The following DDR2 variants were observed in gnomAD, a reference collection of about 807,000 sequenced individuals.
DDR2 encodes the protein discoidin domain-containing receptor 2.
DDR2 carries 27 observed loss-of-function variants against 94.9 expected under a neutral mutation model. The ratio of observed to expected loss-of-function variants is 0.28; its 90% CI spans 0.21 to 0.39. The LOEUF (loss-of-function observed/expected upper bound fraction) is 0.39, where lower values mean the gene tolerates loss of function less well. DDR2 is among the 10% of genes least tolerant of loss of function. The pLI, the probability that DDR2 is intolerant of heterozygous loss-of-function variation, is 1.00. For missense variants in DDR2, 783 were observed against 1,076.0 expected, an observed-to-expected ratio of 0.73 and a Z score of 3.81; for synonymous variants, 382 against 377.2, an observed-to-expected ratio of 1.01 and a Z score of -0.15.
At chr1:162,662,498 T>C (rs1328780307) in intron 2 of DDR2, among the ~76,000 whole-genome samples, 1 of 152,162 alleles carries the variant, frequency 6.6e-6, no homozygotes, top group African/African-American at 2.4e-5. Flanking sequence ...AATTATCCAT[T>C]TGCAGTCTGT....
At chr1:162,747,624 C>T (rs1333528333) in intron 3 of DDR2, among the ~76,000 whole-genome samples, 1 of 152,150 alleles carries the variant, frequency 6.6e-6, no homozygotes, top group Non-Finnish European at 1.5e-5. Context: ...GGCAGGCCAA[C>T]ATTCAAATTC....
intron 2 of DDR2, among the ~76,000 whole-genome samples, chr1:162,666,379 G>A (rs1025927089): frequency 6.6e-6 from 1 of 152,216 alleles, no homozygotes; most frequent in African/African-American, 2.4e-5. Flanking sequence ...GTAAGTATTT[G>A]TGGAATGAAT....
intron 3 of DDR2, among the ~76,000 whole-genome samples, chr1:162,750,732 T>G (rs193081119): frequency 6.6e-6 from 1 of 151,364 alleles, no homozygotes; most frequent in Non-Finnish European, 1.5e-5. Flanking sequence ...ATCACACTAC[T>G]TGACTTCAAA....
rs75782077 is a variant in DDR2 at position 162,705,578 on chromosome 1, G to A, written c.-27-13459G>A. Among the ~76,000 whole-genome samples, 839 of 152,288 alleles carry A rather than the reference G, an allele frequency of 5.5e-3. 6 individuals carry two copies. The highest frequency in any genetic ancestry group is 0.019 in the African/African-American group (801 of 41,568). On this transcript the variant is annotated intron_variant, in intron 2 of 17. Transcript: ENST00000367921. ...CACCCGCTGGAGTGTTTAGAACCAC[G>A]GCTGGTAGATTTACAGTGCCAGGGC... is the stretch of plus-strand genomic sequence containing the variant.
chr1:162,731,858 G>A (rs1017273253), intron 3 of DDR2, among the ~76,000 whole-genome samples: 7 of 152,200 alleles, frequency 4.6e-5, no homozygotes, highest in Non-Finnish European at 1.0e-4. Flanking sequence ...AGAAGTGGCA[G>A]AGCCAAGTCT....
At position 162,767,223 on chromosome 1, in the gene DDR2, T is replaced by C. The variant is rs1271070341; in HGVS notation, c.1163-6T>C. ...TGTATTCTCTGCCTTCTCTCCCTGG[T>C]CACAGATCCAATGCTTAAAGTTGAT... On this transcript the variant is annotated splice_polypyrimidine_tract_variant and splice_region_variant and intron_variant, in intron 10 of 17. Transcript: ENST00000367921. The C allele has an allele frequency of 3.7e-6, 6 of 1,614,108 alleles. No individual in the cohort carries two copies. In the East Asian group the frequency reaches 1.1e-4, roughly 30 times the overall value.
rs184946922 is a variant in DDR2 at position 162,782,578 on chromosome 1, C to A, written c.*2332C>A. 1 of 1,030 alleles carries A rather than the reference C, an allele frequency of 9.7e-4. No individual in the cohort carries two copies. Among genetic ancestry groups the A allele is most frequent in the Non-Finnish European group, 0.015 (1 of 68 alleles). The allele number at this position is 1,030 out of a possible 1,614,324, so 0.1% of individuals were successfully genotyped here. ...TTGAACTCAGGACCTGCAGCCTATT[C>A]TTCTTTATCCACATGTCTCTGGTAG... On this transcript the variant is annotated 3_prime_UTR_variant, in exon 18 of 18. Coordinates refer to ENST00000367921, the MANE Select transcript of DDR2 (RefSeq NM_006182.4).
chr1:162,756,008 G>A (rs1663447008), intron 7 of DDR2, among the ~76,000 whole-genome samples: 1 of 152,156 alleles, frequency 6.6e-6, no homozygotes, highest in African/African-American at 2.4e-5. Context: ...CAAAGTAATG[G>A]CTAAAGTTTG....
At chr1:162,765,683 A>G (rs1027916) in intron 9 of DDR2, among the ~76,000 whole-genome samples, 147,544 of 150,712 alleles carry the variant, frequency 0.98, 72,310 homozygotes, top group East Asian at 1. Flanking sequence ...CTATATTTTC[A>G]CTGAATTTGG....
chr1:162,762,383 T>A (rs1293339602), intron 9 of DDR2, among the ~76,000 whole-genome samples: 3 of 152,228 alleles, frequency 2.0e-5, no homozygotes. Flanking sequence ...TCAGTAATGC[T>A]GTATATTTTA....
chr1:162,724,780 G>A (rs767420927), intron 3 of DDR2, among the ~76,000 whole-genome samples: 8 of 152,058 alleles, frequency 5.3e-5, no homozygotes, highest in African/African-American at 7.2e-5. Context: ...GGTGGGTGGC[G>A]CGGGGGTGTA....
At position 162,644,050 on chromosome 1, in the gene DDR2, T is replaced by C. The variant is rs536708106; in HGVS notation, c.-191-11161T>C. On this transcript the variant is annotated intron_variant, in intron 1 of 17. Transcript: ENST00000367921. ...CTGGATACACTTGCAACTTGCTTTTTCCCAAGTGTTTAGGACTCTAGTAGG... is the reference window on the plus strand; with the variant it reads ...CTGGATACACTTGCAACTTGCTTTTCCCCAAGTGTTTAGGACTCTAGTAGG... Among the ~76,000 whole-genome samples the C allele has an allele frequency of 2.6e-5, 4 of 152,340 alleles. No homozygotes were observed. The South Asian group carries it at 6.2e-4, about 24-fold the overall frequency.
chr1:162,775,676 G>A lies in DDR2; in HGVS notation c.1881G>A (p.Lys627=), dbSNP rs556682758. 8.1e-6 allele frequency: 13 copies of A among 1,614,090 alleles called. No homozygotes were observed. The South Asian group carries it at 8.8e-5, about 11-fold the overall frequency. ...GGAATGATTTTCTTAAGGAGATAAA[G>A]ATCATGTCTCGGCTCAAGGACCCAA... The part of the protein sequence containing the change: ...NARNDFLKEI[K]IMSRLKDPNI... The change falls in exon 15 of 18, where the codon AAG becomes AAA. Residue 627 remains lysine, a synonymous_variant. Transcript: ENST00000367921.
intron 2 of DDR2, among the ~76,000 whole-genome samples, chr1:162,673,234 T>G (rs1293520602): frequency 6.6e-6 from 1 of 152,090 alleles, no homozygotes; most frequent in Non-Finnish European, 1.5e-5. Flanking sequence ...TGGGAGCCAG[T>G]TGGTGTTCTC....
At position 162,772,273 on chromosome 1, in the gene DDR2, T is replaced by C. The variant is rs561538146; in HGVS notation, c.1728+26T>C. The C allele has an allele frequency of 1.9e-6, 3 of 1,608,328 alleles. No homozygotes were observed. The African/African-American group carries it at 4.0e-5, about 21-fold the overall frequency. ...GTGAGTTGATTCTTTGATTCCCTTA[T>C]AGCTCGAAGAAGGTGGTTGGATAAA... On this transcript the variant is annotated intron_variant, in intron 13 of 17. Transcript: ENST00000367921.
At chr1:162,670,005 G>A (rs564458007) in intron 2 of DDR2, among the ~76,000 whole-genome samples, 44 of 151,952 alleles carry the variant, frequency 2.9e-4, no homozygotes, top group South Asian at 6.3e-4. Flanking sequence ...CTAATAACAC[G>A]TTTTTAAAAT....
At chr1:162,755,538 T>C (rs1663418991) in intron 6 of DDR2, 126 bp from the exon 7 acceptor site, 1 of 1,070,428 alleles carries the variant, frequency 9.3e-7, no homozygotes, top group Non-Finnish European at 1.4e-6. Flanking sequence ...TCCAAAGTCT[T>C]CCCTCGGTGT....
At chr1:162,774,170 T>C (rs554298242) in intron 14 of DDR2, among the ~76,000 whole-genome samples, 2 of 152,324 alleles carry the variant, frequency 1.3e-5, no homozygotes, top group African/African-American at 4.8e-5. Flanking sequence ...GCTAATAATC[T>C]CTTGGATCTT....
chr1:162,649,738 A>T (rs1558004919), intron 1 of DDR2, among the ~76,000 whole-genome samples: 1 of 152,224 alleles, frequency 6.6e-6, no homozygotes, highest in Non-Finnish European at 1.5e-5. Flanking sequence ...TGTAACAAAG[A>T]TAAATGAAGT....
Sources: allele counts gnomAD v4.1 joint callset (sites outside exome capture counted in the v4.1 genomes callset), GRCh38; gene constraint gnomAD v4.1.1; transcripts MANE v1.5; gene names NCBI Gene and HGNC (gene_info 2026-07-23, HGNC 2026-07-21).